The following FNTB variants were observed in gnomAD, a reference collection of about 807,000 sequenced individuals.
FNTB encodes the protein farnesyltransferase, CAAX box, subunit beta, also known as protein farnesyltransferase subunit beta.
A neutral mutation model predicts 59.4 loss-of-function variants in FNTB; 27 were observed. The observed-to-expected ratio is 0.45, with a 90% CI of 0.34 to 0.63. The LOEUF (loss-of-function observed/expected upper bound fraction) is 0.63. Ranked by LOEUF, FNTB falls within the 20% of genes least tolerant of loss-of-function variation. The pLI, the probability that FNTB is intolerant of heterozygous loss-of-function variation, is 0.02. For missense variants in FNTB, 449 were observed against 559.6 expected (o/e 0.80, Z 1.99); for synonymous variants, 230 against 220.7 (o/e 1.04, Z -0.37).
chr14:64,997,305 C>T lies in FNTB; in HGVS notation c.145-6944C>T, dbSNP rs772413956. On this transcript the variant is annotated intron_variant, in intron 1 of 11. Coordinates refer to ENST00000246166, the MANE Select transcript of FNTB (RefSeq NM_002028.4). This position sits in a 1 kb window ranked among gnomAD's most constrained non-coding sequence, Gnocchi z 4.5. ...TTTTGCATTTCTGACTGGCTGACTC[C>T]ACACAGACAGGTCCTGTGGCCCCAC... is the stretch of plus-strand genomic sequence containing the variant. Among the ~76,000 whole-genome samples the T allele has an allele frequency of 6.6e-6, 1 of 152,132 alleles. No homozygotes were observed. Among genetic ancestry groups the T allele is most frequent in the Non-Finnish European group, 1.5e-5 (1 of 68,026 alleles).
intron 7 of FNTB, among the ~76,000 whole-genome samples, chr14:65,033,917 T>C (rs1034110457): frequency 1.2e-4 from 18 of 152,228 alleles, no homozygotes; most frequent in African/African-American, 4.1e-4. Flanking sequence ...ATAGCCAAGC[T>C]GAGATACTGT....
chr14:65,043,607 G>C (rs910729065), intron 8 of FNTB, among the ~76,000 whole-genome samples: 20 of 151,902 alleles, frequency 1.3e-4, no homozygotes, highest in Non-Finnish European at 1.8e-4. Context: ...TGGATCATGA[G>C]GTCAGGAGAT....
Position 64,991,326 on chromosome 14 carries a change from G to A in FNTB, c.144+4229G>A, listed in dbSNP as rs1019433412. ...AAAAAAGAATATGCTGTAAGGCCGA[G>A]TGCGGTGGCTCACTCCTGTAATCCC... On this transcript the variant is annotated intron_variant, in intron 1 of 11. Coordinates refer to ENST00000246166, the MANE Select transcript of FNTB (RefSeq NM_002028.4). The surrounding 1 kb of genome is among the most constrained non-coding windows in gnomAD (Gnocchi z 4.4). Among the ~76,000 whole-genome samples, 3 of 152,188 alleles carry A rather than the reference G, an allele frequency of 2.0e-5. No individual in the cohort carries two copies. Among genetic ancestry groups the A allele is most frequent in the Admixed American group, 6.5e-5 (1 of 15,286 alleles).
At chr14:64,995,254 T>C (rs1212384095) in intron 1 of FNTB, among the ~76,000 whole-genome samples, 1 of 152,162 alleles carries the variant, frequency 6.6e-6, no homozygotes, top group African/African-American at 2.4e-5. Context: ...TCTTCAGGAA[T>C]TCCTCCTGAA....
chr14:64,993,982 A>G (rs567248115), intron 1 of FNTB, among the ~76,000 whole-genome samples: 71 of 152,096 alleles, frequency 4.7e-4, no homozygotes, highest in Non-Finnish European at 7.2e-4. Context: ...CAGGCTCCCA[A>G]GTACCTGGGA....
chr14:65,022,026 A>T (rs763236852), intron 4 of FNTB: 7 of 455,926 alleles, frequency 1.5e-5, no homozygotes, highest in Admixed American at 1.4e-4. Context: ...TGAAGAGTCA[A>T]ATAACACGTC....
chr14:65,013,058 C>T (rs939891941), intron 3 of FNTB, among the ~76,000 whole-genome samples: 3 of 152,160 alleles, frequency 2.0e-5, no homozygotes, highest in African/African-American at 7.2e-5. Context: ...TGAATGTGAA[C>T]AGGAAGTCTC....
At chr14:65,033,684 C>T (rs1040138823) in intron 7 of FNTB, among the ~76,000 whole-genome samples, 1 of 152,060 alleles carries the variant, frequency 6.6e-6, no homozygotes, top group Admixed American at 6.6e-5. Flanking sequence ...GGTGACACCC[C>T]GTCTCTACTA....
chr14:65,015,394 C>T (rs1356194114), intron 3 of FNTB: 9 of 389,090 alleles, frequency 2.3e-5, no homozygotes, highest in Admixed American at 1.6e-4. Flanking sequence ...TGAACCACCG[C>T]GCCCAGCCTT....
rs2061741171 is a variant in FNTB at position 65,014,883 on chromosome 14, G to A, written c.283-742G>A. ...GTGTCTAATACAGTGCTTGGCACAA[G>A]TAGATACTATCAAATATTTGTTGAA... On this transcript the variant is annotated intron_variant, in intron 3 of 11. Coordinates refer to ENST00000246166, the MANE Select transcript of FNTB (RefSeq NM_002028.4). This position sits in a 1 kb window ranked among gnomAD's most constrained non-coding sequence, Gnocchi z 5.1. 6.6e-6 allele frequency among the ~76,000 whole-genome samples: 1 copy of A among 152,136 alleles called. No homozygotes were observed. The highest frequency in any genetic ancestry group is 1.5e-5 in the Non-Finnish European group (1 of 68,016).
chr14:65,038,041 A>G (rs2062253547), intron 7 of FNTB, among the ~76,000 whole-genome samples: 1 of 152,096 alleles, frequency 6.6e-6, no homozygotes, highest in Admixed American at 6.5e-5. Context: ...CTGGGATTAC[A>G]GGCATGAGCC....
At chr14:65,050,418 C>T (rs2062580069) in intron 9 of FNTB, among the ~76,000 whole-genome samples, 1 of 152,118 alleles carries the variant, frequency 6.6e-6, no homozygotes, top group Non-Finnish European at 1.5e-5. Context: ...TAGTGAAACC[C>T]TGTCTCTACT....
rs1025393879 is a variant in FNTB, at chr14:64,997,036, A to G, written c.145-7213A>G. ...TTTTTCATTTCACAGTAAAAAAAAA[A>G]ATAGAAACAGAGTCTTGCTTGATCA... is the stretch of plus-strand genomic sequence containing the variant. On this transcript the variant is annotated intron_variant, in intron 1 of 11. Coordinates refer to ENST00000246166, the MANE Select transcript of FNTB (RefSeq NM_002028.4). The surrounding 1 kb of genome is among the most constrained non-coding windows in gnomAD (Gnocchi z 4.5). Among the ~76,000 whole-genome samples the G allele has an allele frequency of 6.6e-6, 1 of 152,162 alleles. No individual in the cohort carries two copies. The highest frequency in any genetic ancestry group is 1.5e-5 in the Non-Finnish European group (1 of 68,032).
intron 8 of FNTB, among the ~76,000 whole-genome samples, chr14:65,042,735 A>G (rs2062380491): frequency 6.6e-6 from 1 of 152,202 alleles, no homozygotes; most frequent in African/African-American, 2.4e-5. Context: ...GGGCTTAGGC[A>G]CTGGAAAAAG....
At chr14:65,008,336 G>A (rs2061627852) in intron 2 of FNTB, among the ~76,000 whole-genome samples, 1 of 152,186 alleles carries the variant, frequency 6.6e-6, no homozygotes, top group East Asian at 1.9e-4. Context: ...TGCTGCCTTT[G>A]TGTGATCCTC....
chr14:65,058,598 G>A (rs987583364), intron 11 of FNTB, among the ~76,000 whole-genome samples: 12 of 152,308 alleles, frequency 7.9e-5, no homozygotes, highest in Admixed American at 7.2e-4. Flanking sequence ...GTAAGGTTGT[G>A]ATAGTTACAT....
chr14:65,061,299 C>A lies in FNTB; in HGVS notation c.1301C>A (p.Pro434His), dbSNP rs537007970. Residue 434 changes from proline (P) to histidine (H), a missense_variant, in exon 12 of 12, where the codon CCT becomes CAT. By Grantham distance (77) the Pro-to-His change is moderately conservative. This residue lies in a region of FNTB where 337 missense variants were observed against 479.1 expected (regional missense o/e 0.70). Transcript: ENST00000246166. Reference sequence around the variant, plus strand: ...CTTAAGGATGAGACATCGGCAGAGCCTGCAACCGACTAGAGGACCTGGGTC... The same window carrying A: ...CTTAAGGATGAGACATCGGCAGAGCATGCAACCGACTAGAGGACCTGGGTC... ...EELKDETSAE[P>H]ATD 308 of 1,613,910 alleles carry A rather than the reference C, an allele frequency of 1.9e-4. 2 individuals carry two copies. In the South Asian group the frequency reaches 3.3e-3, roughly 17 times the overall value.
chr14:65,040,878 A>G lies in FNTB; in HGVS notation c.781A>G (p.Ile261Val), dbSNP rs915456962. Residue 261 changes from isoleucine to valine, a missense_variant, in exon 8 of 12, where the codon ATC (isoleucine) becomes GTC (valine). Ile to Val is a conservative substitution (Grantham distance 29, BLOSUM62 3). Transcript: ENST00000246166. Reference sequence around the variant, plus strand: ...CTTCTGTGGCCTGGCCGCGCTGGTAATCCTCAAGAGGGAACGTTCCTTGAA... The same window carrying G: ...CTTCTGTGGCCTGGCCGCGCTGGTAGTCCTCAAGAGGGAACGTTCCTTGAA... Reference protein sequence around the residue: ...YTFCGLAALVILKRERSLNLK... With the variant: ...YTFCGLAALVVLKRERSLNLK... 1 of 1,613,978 alleles carries G rather than the reference A, an allele frequency of 6.2e-7. No individual in the cohort carries two copies. The highest frequency in any genetic ancestry group is 1.3e-5 in the African/African-American group (1 of 75,018).
intron 1 of FNTB, among the ~76,000 whole-genome samples, chr14:64,992,835 A>G (rs1888252103): frequency 6.6e-6 from 1 of 150,892 alleles, no homozygotes; most frequent in African/African-American, 2.4e-5. Context: ...TTACTTTTTC[A>G]AATGATTTCT....
Sources: gnomAD v4.1 joint callset for allele counts (sites outside exome capture counted in the v4.1 genomes callset) on GRCh38, gnomAD v4.1.1 for gene constraint, gnomAD v4.1.1 regional missense constraint, Gnocchi (gnomAD v3.1) non-coding constraint, MANE v1.5 for transcripts, NCBI Gene and HGNC (gene_info 2026-07-23, HGNC 2026-07-21) for gene names.